Variants in SCAPER observed in about 807,000 individuals in gnomAD.
SCAPER encodes the protein S phase cyclin A-associated protein in the endoplasmic reticulum.
SCAPER carries 98 observed loss-of-function variants against 182.2 expected under a neutral mutation model. The ratio of observed to expected loss-of-function variants is 0.54; its 90% CI spans 0.46 to 0.64. The LOEUF (loss-of-function observed/expected upper bound fraction) is 0.64, where lower values mean the gene tolerates loss of function less well. Among genes scored for constraint, SCAPER ranks in the 30% least tolerant of loss-of-function variants. The pLI, the probability that SCAPER is intolerant of heterozygous loss-of-function variation, is 0.00. For missense variants in SCAPER, 1,432 were observed against 1,690.0 expected (o/e 0.85, Z 2.68); for synonymous variants, 605 against 564.6 (o/e 1.07, Z -1.01).
At chr15:76,537,874 A>C (rs564592744) in intron 23 of SCAPER, among the ~76,000 whole-genome samples, 3 of 152,328 alleles carry the variant, frequency 2.0e-5, no homozygotes, top group Admixed American at 2.0e-4. Context: ...ATTTACGAGA[A>C]AAAAAACAAC....
intron 27 of SCAPER, among the ~76,000 whole-genome samples, chr15:76,397,367 C>T (rs180752116): frequency 6.6e-6 from 1 of 151,164 alleles, no homozygotes; most frequent in Non-Finnish European, 1.5e-5. Context: ...CCCTCCTCCT[C>T]TATTTTTTGG....
intron 26 of SCAPER, among the ~76,000 whole-genome samples, chr15:76,415,412 T>A (rs1048936091): frequency 1.3e-5 from 2 of 152,128 alleles, no homozygotes; most frequent in African/African-American, 4.8e-5. Context: ...AAGACTTTTA[T>A]AAAGACATTT....
At chr15:76,536,498 T>C (rs374199789) in intron 23 of SCAPER, among the ~76,000 whole-genome samples, 2 of 152,240 alleles carry the variant, frequency 1.3e-5, no homozygotes, top group Admixed American at 1.3e-4. Context: ...TAATGAGTTA[T>C]GAGACAATAT....
intron 29 of SCAPER, among the ~76,000 whole-genome samples, chr15:76,364,111 T>C (rs1409936666): frequency 6.6e-6 from 1 of 152,212 alleles, no homozygotes; most frequent in East Asian, 1.9e-4. Flanking sequence ...AAAGAGTCTA[T>C]GCATATACAT....
intron 21 of SCAPER, among the ~76,000 whole-genome samples, chr15:76,652,347 C>T (rs370703275): frequency 0.16 from 2,196 of 14,026 alleles, 292 homozygotes; most frequent in Non-Finnish European, 0.19. Context: ...CATATATACA[C>T]ACACACACAC....
At chr15:76,856,520 T>C (rs2071395793) in intron 4 of SCAPER, among the ~76,000 whole-genome samples, 1 of 150,960 alleles carries the variant, frequency 6.6e-6, no homozygotes, top group Admixed American at 6.6e-5. Flanking sequence ...CATACATATA[T>C]GTATATATTT....
chr15:76,506,788 T>G (rs2041620371), intron 23 of SCAPER, among the ~76,000 whole-genome samples: 1 of 152,170 alleles, frequency 6.6e-6, no homozygotes, highest in South Asian at 2.1e-4. Context: ...TAATATCTAA[T>G]CATTTTAGCT....
chr15:76,499,986 T>C (rs898162676), intron 24 of SCAPER, among the ~76,000 whole-genome samples: 2 of 152,150 alleles, frequency 1.3e-5, no homozygotes, highest in African/African-American at 2.4e-5. Context: ...CAAAAAACAA[T>C]GAAAATAACT....
intron 21 of SCAPER, among the ~76,000 whole-genome samples, chr15:76,623,872 A>C (rs879438698): frequency 2.6e-5 from 4 of 152,106 alleles, no homozygotes; most frequent in Admixed American, 1.3e-4. Flanking sequence ...CATGATAAAA[A>C]ACCCTCAACA....
rs563713851 is a variant in SCAPER, at chr15:76,419,487, A to C, written c.3311+14591T>G. Among the ~76,000 whole-genome samples, 16 of 152,252 alleles carry C rather than the reference A, an allele frequency of 1.1e-4. No individual in the cohort carries two copies. The East Asian group carries it at 3.1e-3, about 29-fold the overall frequency. Reference sequence around the variant, plus strand: ...TGTAATCCCAGCACTTTGCGAGGCCAAGGTGGGCAGATCATCTGAGGTCAG... The same window carrying C: ...TGTAATCCCAGCACTTTGCGAGGCCCAGGTGGGCAGATCATCTGAGGTCAG... On this transcript the variant is annotated intron_variant, in intron 26 of 31. Coordinates refer to ENST00000563290, the MANE Select transcript of SCAPER (RefSeq NM_020843.4).
chr15:76,591,865 GC>G (rs559088362), intron 22 of SCAPER, among the ~76,000 whole-genome samples: 97 of 152,242 alleles, frequency 6.4e-4, no homozygotes, highest in African/African-American at 2.1e-3. Flanking sequence ...TTTGAGACCA[GC>G]CTGGGCAACA....
At chr15:76,744,512 G>A (rs983122525) in intron 15 of SCAPER, among the ~76,000 whole-genome samples, 1 of 151,942 alleles carries the variant, frequency 6.6e-6, no homozygotes, top group Non-Finnish European at 1.5e-5. Flanking sequence ...ACATACAAGT[G>A]TCCAACTAAC....
Position 76,593,638 on chromosome 15 carries a change from T to C in SCAPER, c.2712-19354A>G, listed in dbSNP as rs1338592179. On this transcript the variant is annotated intron_variant, in intron 22 of 31. Coordinates refer to ENST00000563290, the MANE Select transcript of SCAPER (RefSeq NM_020843.4). ...CTCCAGAGGAAAAAACAGACAGCAA[T>C]CTTTGCTGTTCTGCAGCATCCACTG... is the stretch of plus-strand genomic sequence containing the variant. 2.5e-5 allele frequency among the ~76,000 whole-genome samples: 3 copies of C among 119,958 alleles called. 1 individual carries two copies. Among genetic ancestry groups the C allele is most frequent in the African/African-American group, 7.6e-5 (3 of 39,432 alleles). 78.7% of individuals were successfully genotyped at this position (119,958 alleles called of 152,430 possible).
rs2053919545 is a variant in SCAPER at position 76,639,435 on chromosome 15, C to T, written c.2646-17606G>A. Among the ~76,000 whole-genome samples, 6 of 152,192 alleles carry T rather than the reference C, an allele frequency of 3.9e-5. No individual in the cohort carries two copies. The South Asian group carries it at 1.2e-3, about 32-fold the overall frequency. On this transcript the variant is annotated intron_variant, in intron 21 of 31. Coordinates refer to ENST00000563290, the MANE Select transcript of SCAPER (RefSeq NM_020843.4). ...AGGGATTGCCCCTCCAAAGCCAAGG[C>T]TTGTTGCTCCCCACTGAAGACCTGA...
At chr15:76,485,130 A>G (rs1049456596) in intron 24 of SCAPER, among the ~76,000 whole-genome samples, 1 of 152,214 alleles carries the variant, frequency 6.6e-6, no homozygotes, top group Non-Finnish European at 1.5e-5. Flanking sequence ...TTTGCAGATG[A>G]CATGATCCTG....
chr15:76,505,887 T>C (rs1597086022), intron 23 of SCAPER, among the ~76,000 whole-genome samples: 3 of 152,144 alleles, frequency 2.0e-5, no homozygotes, highest in African/African-American at 7.2e-5. Flanking sequence ...ACGTAGTACA[T>C]ATATGGAATG....
chr15:76,474,385 A>T (rs2050454703), intron 24 of SCAPER, among the ~76,000 whole-genome samples: 1 of 152,208 alleles, frequency 6.6e-6, no homozygotes. Context: ...TATACTTGTA[A>T]TCATCTGTCT....
intron 25 of SCAPER, among the ~76,000 whole-genome samples, chr15:76,461,326 C>T (rs1162654213): frequency 1.4e-5 from 2 of 138,102 alleles, no homozygotes; most frequent in East Asian, 2.7e-4. Context: ...TTACTATTAC[C>T]CAACTTTTTT....
rs563624416 is a variant in SCAPER, at chr15:76,799,168, GA to G, written c.611+1079del. On this transcript the variant is annotated intron_variant, in intron 7 of 31. Transcript: ENST00000563290. Reference sequence around the variant, plus strand: ...ATTAATATACAGATCTATTGCAAAGGAAATTGTTAATTCATGTTATATAATA... The same window carrying G: ...ATTAATATACAGATCTATTGCAAAGGAATTGTTAATTCATGTTATATAATA... 2.4e-4 allele frequency among the ~76,000 whole-genome samples: 36 copies of G among 152,204 alleles called. 1 individual carries two copies. In the South Asian group the frequency reaches 7.5e-3, roughly 32 times the overall value.
Sources: gnomAD v4.1 joint callset for allele counts (sites outside exome capture counted in the v4.1 genomes callset) on GRCh38, gnomAD v4.1.1 for gene constraint, MANE v1.5 for transcripts, NCBI Gene and HGNC (gene_info 2026-07-23, HGNC 2026-07-21) for gene names.